Variants in VWF observed in about 807,000 individuals in gnomAD.
The protein encoded by VWF is Factor VIII related antigen.
In VWF, 176 loss-of-function variants were observed where a neutral mutation model predicts 308.6. The ratio of observed to expected loss-of-function variants is 0.57; its 90% confidence interval spans 0.50 to 0.65. The LOEUF (loss-of-function observed/expected upper bound fraction) is 0.65. VWF is among the 30% of genes least tolerant of loss of function. The pLI, the probability that VWF is intolerant of heterozygous loss-of-function variation, is 0.00. For missense variants in VWF, 3,146 were observed against 3,648.2 expected (o/e 0.86, Z 3.55); for synonymous variants, 1,385 against 1,443.4 (o/e 0.96, Z 0.92).
rs555882385 is a variant in VWF at position 6,024,420 on chromosome 12, G to A, written c.3223-633C>T. Among the ~76,000 whole-genome samples, 2 of 152,288 alleles carry A rather than the reference G, an allele frequency of 1.3e-5. No homozygotes were observed. The highest frequency in any genetic ancestry group is 4.1e-4 in the South Asian group (2 of 4,824). ...ACACTGAGTGGGTCATTGTTTCCAA[G>A]ACGTTCCAACAGTCTCAATGTCCCC... On this transcript the variant is annotated intron_variant, in intron 24 of 51. Transcript: ENST00000261405. This position sits in a 1 kb window ranked among gnomAD's most constrained non-coding sequence, Gnocchi z 4.0.
At chr12:5,979,292 T>G (rs935127563) in intron 42 of VWF, among the ~76,000 whole-genome samples, 1 of 152,222 alleles carries the variant, frequency 6.6e-6, no homozygotes, top group Non-Finnish European at 1.5e-5. Context: ...GCAATCAGTA[T>G]GATAGAAGTA....
intron 22 of VWF, among the ~76,000 whole-genome samples, 175 bp downstream of exon 22, chr12:6,029,167 T>TA (rs1944228650): frequency 1.3e-5 from 2 of 151,534 alleles, no homozygotes; most frequent in Non-Finnish European, 1.5e-5. Context: ...AGAAGGCCAT[T>TA]ACATAATGGT....
intron 42 of VWF, among the ~76,000 whole-genome samples, chr12:5,977,496 T>A (rs1392593722): frequency 2.0e-5 from 3 of 152,248 alleles, no homozygotes; most frequent in Non-Finnish European, 4.4e-5. Flanking sequence ...TAATTCATAA[T>A]ATGCTTCCTT....
chr12:6,111,216 A>C (rs1945304597), intron 3 of VWF, among the ~76,000 whole-genome samples: 1 of 152,172 alleles, frequency 6.6e-6, no homozygotes, highest in Non-Finnish European at 1.5e-5. Flanking sequence ...CACAAAAGAA[A>C]AATCTAAAAG....
At chr12:5,988,769 A>G (rs1943706891) in intron 38 of VWF, among the ~76,000 whole-genome samples, 1 of 152,218 alleles carries the variant, frequency 6.6e-6, no homozygotes, top group Admixed American at 6.5e-5. Flanking sequence ...GCACTGCTGC[A>G]CAAGCCCAGG....
chr12:6,074,006 C>T (rs766463500), intron 7 of VWF, among the ~76,000 whole-genome samples: 3 of 152,152 alleles, frequency 2.0e-5, no homozygotes, highest in Non-Finnish European at 4.4e-5. Flanking sequence ...GTCGCCTGCT[C>T]TCCATGTATA....
At chr12:5,994,239 A>C in intron 36 of VWF, 36 bp from the exon 37 acceptor site, 1 of 1,612,224 alleles carries the variant, frequency 6.2e-7, no homozygotes, top group Non-Finnish European at 8.5e-7. Flanking sequence ...AGATAAACTG[A>C]GTGGCCCTGG....
chr12:6,071,800 G>A lies in VWF; in HGVS notation c.1110-457C>T, dbSNP rs188839756. Among the ~76,000 whole-genome samples the A allele has an allele frequency of 2.6e-3, 393 of 152,314 alleles. 1 individual carries two copies. Among genetic ancestry groups the A allele is most frequent in the Middle Eastern group, 0.01 (3 of 294 alleles). ...AAGGGAGGAGGCCTGGGGACCAAAC[G>A]AGTTGTCCCTGCTGTGCAGGAGACT... On this transcript the variant is annotated intron_variant, in intron 9 of 51. Transcript: ENST00000261405.
At chr12:6,112,980 T>C (rs1318651888) in intron 3 of VWF, among the ~76,000 whole-genome samples, 1 of 152,066 alleles carries the variant, frequency 6.6e-6, no homozygotes, top group African/African-American at 2.4e-5. Context: ...CTCTCCCACG[T>C]AAATAATAAG....
chr12:6,017,341 T>C (rs1243166970), intron 28 of VWF, among the ~76,000 whole-genome samples: 2 of 152,206 alleles, frequency 1.3e-5, no homozygotes, highest in East Asian at 3.8e-4. Context: ...TGCCTAGTGC[T>C]CCTGTTAGTG....
At chr12:6,097,107 T>C (rs1259013537) in intron 5 of VWF, among the ~76,000 whole-genome samples, 1 of 152,146 alleles carries the variant, frequency 6.6e-6, no homozygotes, top group Admixed American at 6.6e-5. Context: ...TTGGATTACT[T>C]GGGTAAGCCT....
intron 7 of VWF, among the ~76,000 whole-genome samples, chr12:6,074,928 G>T (rs1186197433): frequency 6.6e-6 from 1 of 152,168 alleles, no homozygotes; most frequent in Non-Finnish European, 1.5e-5. Context: ...CTCTCTCAAA[G>T]ATCACCACAC....
At chr12:6,120,850 T>C (rs1283981911) in intron 3 of VWF, among the ~76,000 whole-genome samples, 2 of 152,110 alleles carry the variant, frequency 1.3e-5, no homozygotes, top group African/African-American at 2.4e-5. Flanking sequence ...CAAGGAGTTT[T>C]ACACGTTCCA....
intron 3 of VWF, among the ~76,000 whole-genome samples, chr12:6,117,469 T>C (rs1241627170): frequency 1.3e-5 from 2 of 152,326 alleles, no homozygotes; most frequent in African/African-American, 4.8e-5. Flanking sequence ...GAACACCCCA[T>C]GTTAAGCTGG....
chr12:5,971,546 C>G, intron 44 of VWF, 53 bp downstream of exon 44: 1 of 1,427,862 alleles, frequency 7.0e-7, no homozygotes, highest in African/African-American at 1.4e-5. Context: ...CAACGCTGGT[C>G]CCTGGAGTGG....
intron 22 of VWF, among the ~76,000 whole-genome samples, chr12:6,028,542 C>A (rs1200688512): frequency 6.6e-6 from 1 of 152,168 alleles, no homozygotes; most frequent in South Asian, 2.1e-4. Context: ...GGAAGCCCAT[C>A]AGACTAATAG....
rs1944675018 is a variant in VWF at position 6,063,197 on chromosome 12, T to C, written c.1433-143A>G. 1 of 739,942 alleles carries C rather than the reference T, an allele frequency of 1.4e-6. No homozygotes were observed. The allele number at this position is 739,942 out of a possible 1,614,324, so 45.8% of individuals were successfully genotyped here. A position where few individuals can be genotyped will look rare whatever the true frequency, so the allele number is the denominator to read the frequency against. On this transcript the variant is annotated intron_variant, in intron 12 of 51. Transcript: ENST00000261405. This position sits in a 1 kb window ranked among gnomAD's most constrained non-coding sequence, Gnocchi z 4.9. ...GACTTAGGGGCAGATGGGGTGGCCA[T>C]GAGGTTTAAGGGGGTGTCAGGAGGA...
intron 24 of VWF, 118 bp from the exon 25 acceptor site, chr12:6,023,905 G>A: frequency 8.9e-7 from 1 of 1,122,956 alleles, no homozygotes; most frequent in South Asian, 1.3e-5. Context: ...CAGGTAGAAG[G>A]AGAAATGTAG....
chr12:6,016,439 G>A (rs554230795), intron 30 of VWF, 77 bp downstream of exon 30: 29 of 1,517,064 alleles, frequency 1.9e-5, no homozygotes, highest in African/African-American at 9.6e-5. Flanking sequence ...GTGACTGGCC[G>A]AGGTCACACA....
Sources: gnomAD v4.1 joint callset for allele counts (sites outside exome capture counted in the v4.1 genomes callset) on GRCh38, gnomAD v4.1.1 for gene constraint, Gnocchi (gnomAD v3.1) non-coding constraint, MANE v1.5 for transcripts, NCBI Gene and HGNC (gene_info 2026-07-23, HGNC 2026-07-21) for gene names.